The following FBN3 variants were observed in gnomAD, a reference collection of about 807,000 sequenced individuals.
FBN3 encodes fibrillin-3.
A neutral mutation model predicts 330.1 loss-of-function variants in FBN3; 234 were observed. The observed-to-expected ratio is 0.71, with a 90% CI of 0.64 to 0.79. The LOEUF (loss-of-function observed/expected upper bound fraction) is 0.79, where lower values mean the gene tolerates loss of function less well. Among genes scored for constraint, FBN3 ranks in the 30% least tolerant of loss-of-function variants. The pLI is 0.00. For synonymous variants in FBN3, 1,458 were observed against 1,517.3 expected, an observed-to-expected ratio of 0.96 and a Z score of 0.91; for missense variants, 3,606 against 3,886.9, an observed-to-expected ratio of 0.93 and a Z score of 1.92.
intron 16 of FBN3, among the ~76,000 whole-genome samples, chr19:8,130,659 G>GGAAAGGAAAGGAAAGGAAAAGAAAA (rs1555750608): frequency 4.3e-4 from 16 of 37,254 alleles, no homozygotes; most frequent in East Asian, 3.5e-3. Context: ...GGAAAGGAAA[G>GGAAAGGAAAGGAAAGGAAAAGAAAA]GAAAAGAAAA....
chr19:8,135,936 GCCC>G, intron 13 of FBN3, 22 bp downstream of exon 13: 4 of 668,752 alleles, frequency 6.0e-6, no homozygotes, highest in Non-Finnish European at 7.2e-6. Flanking sequence ...GGAAGCCCCT[GCCC>G]ACCCGCCCAC....
intron 16 of FBN3, among the ~76,000 whole-genome samples, chr19:8,130,631 A>AGGAAG (rs752885365): frequency 6.3e-5 from 1 of 15,864 alleles, no homozygotes; most frequent in Admixed American, 6.5e-4. Context: ...AAAGAAAGAA[A>AGGAAG]GAAAGAAAGA....
chr19:8,082,253 G>A (rs2081807262), intron 57 of FBN3, among the ~76,000 whole-genome samples: 2 of 151,828 alleles, frequency 1.3e-5, no homozygotes, highest in South Asian at 4.2e-4. Flanking sequence ...TTACAGGCGT[G>A]AGCCACCTCA....
chr19:8,102,144 T>C (rs2144764251), intron 40 of FBN3, among the ~76,000 whole-genome samples: 1 of 152,320 alleles, frequency 6.6e-6, no homozygotes, highest in Admixed American at 6.5e-5. Flanking sequence ...CTCCTTCACC[T>C]TCTGCCATGA....
At position 8,123,986 on chromosome 19, in the gene FBN3, G is replaced by C. The variant is rs760243406; in HGVS notation, c.2754C>G (p.Phe918Leu). Residue 918 changes from phenylalanine to leucine, a missense_variant, in exon 23 of 64, where the codon TTC becomes TTG. Coordinates refer to ENST00000600128, the MANE Select transcript of FBN3 (RefSeq NM_032447.5). Reference protein sequence around the residue: ...LCVDVRLEPCFLRWDEDECGV... With the variant: ...LCVDVRLEPCLLRWDEDECGV... ...CACACTCATCCTCATCCCATCGCAGGAAACATGGTTCCAATCTCACATCTG... is the reference window on the plus strand; with the variant it reads ...CACACTCATCCTCATCCCATCGCAGCAAACATGGTTCCAATCTCACATCTG... 1.2e-6 allele frequency: 2 copies of C among 1,613,932 alleles called. No homozygotes were observed. The highest frequency in any genetic ancestry group is 1.7e-6 in the Non-Finnish European group (2 of 1,180,002).
At chr19:8,075,005 G>A in intron 61 of FBN3, 66 bp downstream of exon 61, 1 of 1,539,480 alleles carries the variant, frequency 6.5e-7, no homozygotes. Flanking sequence ...GGTGGCGTCT[G>A]TTAGTCGCCT....
chr19:8,081,735 G>A (rs1182011414), intron 57 of FBN3, among the ~76,000 whole-genome samples: 1 of 152,188 alleles, frequency 6.6e-6, no homozygotes, highest in Non-Finnish European at 1.5e-5. Flanking sequence ...AATGTGCATG[G>A]CTGTGTGCTA....
In FBN3 at chr19:8,118,879, A is replaced by G. The variant is rs1905685618; in HGVS notation, c.3337+18T>C. ...CATGGGCTAACACTCACACTTGCACACCCAGATGCACACTTACCCTCACAG... is the reference window on the plus strand; with the variant it reads ...CATGGGCTAACACTCACACTTGCACGCCCAGATGCACACTTACCCTCACAG... On this transcript the variant is annotated intron_variant, in intron 26 of 63. Coordinates refer to ENST00000600128, the MANE Select transcript of FBN3 (RefSeq NM_032447.5). The G allele has an allele frequency of 1.2e-6, 2 of 1,600,902 alleles. No individual in the cohort carries two copies. The highest frequency in any genetic ancestry group is 2.2e-5 in the South Asian group (2 of 90,634).
At chr19:8,077,957 G>T (rs2081680461) in intron 59 of FBN3, among the ~76,000 whole-genome samples, 1 of 131,780 alleles carries the variant, frequency 7.6e-6, no homozygotes, top group Admixed American at 7.8e-5. Context: ...CACACCTGTA[G>T]TCCTAGCTAC....
At chr19:8,087,012 T>C in intron 54 of FBN3, 65 bp downstream of exon 54, 1 of 1,558,862 alleles carries the variant, frequency 6.4e-7, no homozygotes. Flanking sequence ...GGTCCAACCC[T>C]CTTGCTTTGA....
intron 5 of FBN3, 65 bp downstream of exon 5, chr19:8,145,778 G>A: frequency 7.8e-7 from 1 of 1,282,876 alleles, no homozygotes. Flanking sequence ...GGTGGCAGCA[G>A]AGACTAATAC....
chr19:8,139,209 C>T (rs907212677), intron 8 of FBN3, among the ~76,000 whole-genome samples: 7 of 149,494 alleles, frequency 4.7e-5, no homozygotes, highest in African/African-American at 1.2e-4. Flanking sequence ...TAGCCGGGTG[C>T]GGTGGCGCAC....
chr19:8,143,487 C>A (rs148183977), intron 6 of FBN3, among the ~76,000 whole-genome samples: 1 of 126,330 alleles, frequency 7.9e-6, no homozygotes, highest in African/African-American at 3.2e-5. Flanking sequence ...CTCCTTTTTT[C>A]TTTTCTTTTC....
rs776367717 is a variant in FBN3 at position 8,085,521 on chromosome 19, C to T, written c.6929G>A (p.Arg2310Gln). 62 of 1,594,478 alleles carry T rather than the reference C, an allele frequency of 3.9e-5. 1 individual carries two copies. The highest frequency in any genetic ancestry group is 1.1e-4 in the East Asian group (5 of 44,014). The change falls in exon 56 of 64, where the codon CGG (arginine) becomes CAG (glutamine). Residue 2310 changes from arginine (R) to glutamine (Q), a missense_variant. Arg to Gln is a conservative substitution (Grantham distance 43). Coordinates refer to ENST00000600128, the MANE Select transcript of FBN3 (RefSeq NM_032447.5). ...AGCCTCACTGCTGCTGGACAGAGAC[C>T]GGCACATGGTCTGCAGCACCTCGGC... ...CFAEVLQTMC[R>Q]SLSSSSEAVT...
At chr19:8,102,929 G>C in intron 39 of FBN3, 56 bp from the exon 40 acceptor site, 1 of 1,574,212 alleles carries the variant, frequency 6.4e-7, no homozygotes, top group East Asian at 2.2e-5. Flanking sequence ...ATCAGTGGAA[G>C]AGGGAGCCAA....
intron 55 of FBN3, among the ~76,000 whole-genome samples, chr19:8,085,794 A>G (rs1336247360): frequency 6.6e-6 from 1 of 151,964 alleles, no homozygotes; most frequent in Admixed American, 6.5e-5. Flanking sequence ...TGGCGCCAGT[A>G]AGTTGGAGGA....
chr19:8,094,130 C>T (rs1342272308), intron 47 of FBN3, among the ~76,000 whole-genome samples: 1 of 152,112 alleles, frequency 6.6e-6, no homozygotes, highest in Non-Finnish European at 1.5e-5. Flanking sequence ...ACCGGTGAAG[C>T]TTAGGCCAGA....
At chr19:8,134,517 C>T (rs1452067562) in intron 13 of FBN3, among the ~76,000 whole-genome samples, 1 of 152,134 alleles carries the variant, frequency 6.6e-6, no homozygotes, top group African/African-American at 2.4e-5. Flanking sequence ...GGGCCCCTCC[C>T]TGGGGTGTGG....
At chr19:8,124,090 A>C in intron 22 of FBN3, 82 bp from the exon 23 acceptor site, 1 of 1,222,508 alleles carries the variant, frequency 8.2e-7, no homozygotes, top group Non-Finnish European at 1.2e-6. Context: ...AGTCACTCCC[A>C]TCGGAAACTT....
Sources: allele counts gnomAD v4.1 joint callset (sites outside exome capture counted in the v4.1 genomes callset), GRCh38; gene constraint gnomAD v4.1.1; transcripts MANE v1.5; gene names NCBI Gene and HGNC (gene_info 2026-07-23, HGNC 2026-07-21).